The following AGBL4 variants were observed in gnomAD, a reference collection of about 807,000 sequenced individuals.
AGBL4 encodes the protein cytosolic carboxypeptidase 6.
Under a neutral mutation model 66.4 loss-of-function variants are expected in AGBL4, and 58 were observed. The observed-to-expected ratio is 0.87, with a 90% confidence interval of 0.71 to 1.09. The LOEUF is 1.09. Among genes scored for constraint, AGBL4 ranks in the 50% least tolerant of loss-of-function variants. The pLI is 0.00. For synonymous variants in AGBL4, 234 were observed against 222.9 expected (o/e 1.05, Z -0.44); for missense variants, 579 against 631.0 (o/e 0.92, Z 0.88).
At chr1:48,852,109 A>C (rs1647048526) in intron 6 of AGBL4, among the ~76,000 whole-genome samples, 1 of 140,912 alleles carries the variant, frequency 7.1e-6, no homozygotes, top group Non-Finnish European at 1.5e-5. Context: ...GTGCTATTTT[A>C]GGGATGAAAG....
At chr1:49,714,370 T>C (rs115806421) in intron 2 of AGBL4, among the ~76,000 whole-genome samples, 1 of 151,930 alleles carries the variant, frequency 6.6e-6, no homozygotes, top group Non-Finnish European at 1.5e-5. Flanking sequence ...TCCACTCTTA[T>C]AATTCTCCAA....
rs1416472541 is a variant in AGBL4 at position 49,848,108 on chromosome 1, A to T, written c.157+3288T>A. Among the ~76,000 whole-genome samples, 3 of 152,348 alleles carry T rather than the reference A, an allele frequency of 2.0e-5. No individual in the cohort carries two copies. In the East Asian group the frequency reaches 5.8e-4, roughly 29 times the overall value. On this transcript the variant is annotated intron_variant, in intron 2 of 13. Coordinates refer to ENST00000371839, the MANE Select transcript of AGBL4 (RefSeq NM_032785.4). ...AGAATGACTATTATTAAAAAGCAAA[A>T]AAATAATAGATGTTGTTGAGGATGC...
intron 3 of AGBL4, among the ~76,000 whole-genome samples, chr1:49,637,451 C>A (rs1212769478): frequency 2.0e-5 from 3 of 151,902 alleles, no homozygotes; most frequent in African/African-American, 7.3e-5. Flanking sequence ...CAGGAGCCTG[C>A]CACCACGCCC....
chr1:49,127,167 G>C (rs1645782165), intron 4 of AGBL4, among the ~76,000 whole-genome samples: 1 of 152,168 alleles, frequency 6.6e-6, no homozygotes, highest in Non-Finnish European at 1.5e-5. Flanking sequence ...AGTGAGCCTT[G>C]TCATCACCAG....
At chr1:49,515,521 A>C (rs1263898379) in intron 3 of AGBL4, among the ~76,000 whole-genome samples, 2 of 152,004 alleles carry the variant, frequency 1.3e-5, no homozygotes, top group Admixed American at 1.3e-4. Context: ...CATTTGACCC[A>C]GCAATCCCAT....
chr1:48,531,292 C>A (rs1643905272), downstream of AGBL4, among the ~76,000 whole-genome samples: 1 of 152,008 alleles, frequency 6.6e-6, no homozygotes, highest in South Asian at 2.1e-4. Flanking sequence ...ATCACTGTGT[C>A]TAGCATTAAG....
At chr1:48,871,760 T>C (rs1325927935) in intron 5 of AGBL4, among the ~76,000 whole-genome samples, 1 of 152,092 alleles carries the variant, frequency 6.6e-6, no homozygotes, top group South Asian at 2.1e-4. Context: ...AGAGTGTCTA[T>C]AGTGGATGCT....
At chr1:49,621,821 T>C (rs1645365880) in intron 3 of AGBL4, among the ~76,000 whole-genome samples, 1 of 152,182 alleles carries the variant, frequency 6.6e-6, no homozygotes, top group East Asian at 1.9e-4. Flanking sequence ...TTTCACAGTT[T>C]CAGTTTGACT....
chr1:49,600,985 T>C (rs1483635813), intron 3 of AGBL4, among the ~76,000 whole-genome samples: 1 of 152,202 alleles, frequency 6.6e-6, no homozygotes, highest in African/African-American at 2.4e-5. Context: ...GTGAGGTTTC[T>C]GCAGAGAGAT....
intron 4 of AGBL4, among the ~76,000 whole-genome samples, chr1:49,238,830 A>G (rs1650991525): frequency 6.6e-6 from 1 of 152,100 alleles, no homozygotes; most frequent in Non-Finnish European, 1.5e-5. Context: ...TGGCATTTCC[A>G]GGTTGCCAGC....
chr1:49,974,777 C>G lies in AGBL4; in HGVS notation c.34+48986G>C, dbSNP rs1276472458. On this transcript the variant is annotated intron_variant, in intron 1 of 13. Transcript: ENST00000371839. ...GAGTTCATTCAGAAAGAAGTTCACA[C>G]TTAACTCCTACCATCCTCTCCAATA... Among the ~76,000 whole-genome samples, 4 of 152,164 alleles carry G rather than the reference C, an allele frequency of 2.6e-5. No homozygotes were observed. In the East Asian group the frequency reaches 7.7e-4, roughly 29 times the overall value.
chr1:49,351,376 A>G (rs760317442), intron 3 of AGBL4, among the ~76,000 whole-genome samples: 4 of 152,088 alleles, frequency 2.6e-5, no homozygotes, highest in Non-Finnish European at 5.9e-5. Flanking sequence ...CCTCTTTTAG[A>G]AATTCTAGGT....
chr1:49,364,729 C>T (rs1196956313), intron 3 of AGBL4, among the ~76,000 whole-genome samples: 3 of 152,166 alleles, frequency 2.0e-5, no homozygotes, highest in South Asian at 2.1e-4. Flanking sequence ...CTGCCCACCT[C>T]GGCCTCCCAA....
At chr1:49,632,574 C>T (rs1456421665) in intron 3 of AGBL4, among the ~76,000 whole-genome samples, 1 of 152,134 alleles carries the variant, frequency 6.6e-6, no homozygotes, top group Non-Finnish European at 1.5e-5. Context: ...TAGCTGCCCA[C>T]AGAATCACTC....
intron 4 of AGBL4, among the ~76,000 whole-genome samples, chr1:49,058,030 C>A (rs1571343059): frequency 6.6e-6 from 1 of 152,122 alleles, no homozygotes; most frequent in Non-Finnish European, 1.5e-5. Context: ...GGAGGGGCTT[C>A]TCCAGGAAGC....
intron 6 of AGBL4, among the ~76,000 whole-genome samples, chr1:48,866,691 G>A (rs1648124949): frequency 6.6e-6 from 1 of 152,170 alleles, no homozygotes; most frequent in Admixed American, 6.5e-5. Flanking sequence ...CATGGTCACA[G>A]CTTTTTGGGT....
chr1:49,322,498 A>T (rs1273361201), intron 3 of AGBL4, among the ~76,000 whole-genome samples: 2 of 152,248 alleles, frequency 1.3e-5, no homozygotes, highest in Non-Finnish European at 2.9e-5. Context: ...ATTTGAAAAA[A>T]GGGTCTTTAT....
At chr1:49,396,802 A>T (rs1644983940) in intron 3 of AGBL4, among the ~76,000 whole-genome samples, 1 of 152,168 alleles carries the variant, frequency 6.6e-6, no homozygotes, top group Non-Finnish European at 1.5e-5. Context: ...CTCTTTCTGC[A>T]CAGCTCCCAA....
Position 49,448,548 on chromosome 1 carries a change from A to G in AGBL4, c.283-202684T>C, listed in dbSNP as rs74720104. ...GGCCAGGAGAAGTAGGGACCATAAT[A>G]GGTCAGGCCAAGGTCAAATGGAAAT... On this transcript the variant is annotated intron_variant, in intron 3 of 13. Transcript: ENST00000371839. Among the ~76,000 whole-genome samples the G allele has an allele frequency of 6.5e-3, 987 of 152,304 alleles. 6 individuals are homozygous for G. Among genetic ancestry groups the G allele is most frequent in the Middle Eastern group, 0.031 (9 of 294 alleles).
Sources: allele counts gnomAD v4.1 joint callset (sites outside exome capture counted in the v4.1 genomes callset), GRCh38; gene constraint gnomAD v4.1.1; transcripts MANE v1.5; gene names NCBI Gene and HGNC (gene_info 2026-07-23, HGNC 2026-07-21).